The following LRPPRC variants were observed in gnomAD, a reference collection of about 807,000 sequenced individuals.
LRPPRC encodes the protein leucine-rich PPR motif-containing protein, mitochondrial.
Under a neutral mutation model 180.3 loss-of-function variants are expected in LRPPRC, and 120 were observed. The observed-to-expected ratio is 0.67, with a 90% confidence interval of 0.57 to 0.77. The LOEUF is 0.77. LRPPRC is among the 30% of genes least tolerant of loss of function. The probability of loss-of-function intolerance (pLI) is 0.00; values close to 1 mark genes in which losing one functional copy is unlikely to be tolerated. For synonymous variants in LRPPRC, 723 were observed against 600.0 expected (o/e 1.21, Z -3.00); for missense variants, 2,012 against 1,657.2 (o/e 1.21, Z -3.72).
intron 2 of LRPPRC, among the ~76,000 whole-genome samples, chr2:43,981,484 C>A (rs750296201): frequency 6.6e-6 from 1 of 152,010 alleles, no homozygotes; most frequent in South Asian, 2.1e-4. Context: ...CATGGTGAAA[C>A]CCCGTCCCTA....
intron 13 of LRPPRC, among the ~76,000 whole-genome samples, chr2:43,958,161 C>G (rs1673198641): frequency 6.6e-6 from 1 of 152,140 alleles, no homozygotes; most frequent in East Asian, 1.9e-4. Context: ...ATAACCCTTG[C>G]CAAACTAGCA....
chr2:43,889,039 G>A (rs1053462006), intron 37 of LRPPRC, among the ~76,000 whole-genome samples: 5 of 152,164 alleles, frequency 3.3e-5, no homozygotes, highest in Non-Finnish European at 7.4e-5. Context: ...AAAACATGCC[G>A]GGCACAGTGG....
At chr2:43,920,467 A>G (rs1671659928) in intron 27 of LRPPRC, among the ~76,000 whole-genome samples, 1 of 152,142 alleles carries the variant, frequency 6.6e-6, no homozygotes. Flanking sequence ...ACTACATCGC[A>G]AGGAGGCCCA....
intron 1 of LRPPRC, among the ~76,000 whole-genome samples, chr2:43,991,296 T>G (rs1262165915): frequency 2.6e-5 from 4 of 152,126 alleles, no homozygotes; most frequent in African/African-American, 4.8e-5. Flanking sequence ...CCTCCCAAAG[T>G]GCTGGGATTA....
At chr2:43,896,212 T>TTTA in intron 35 of LRPPRC, 1 of 55,552 alleles carries the variant, frequency 1.8e-5, no homozygotes, top group Non-Finnish European at 3.0e-5. Context: ...CTTTCTTTCT[T>TTTA]TCTTTCTTTC....
At chr2:43,942,793 T>C (rs371315385) in intron 23 of LRPPRC, among the ~76,000 whole-genome samples, 4 of 152,288 alleles carry the variant, frequency 2.6e-5, no homozygotes, top group African/African-American at 7.2e-5. Flanking sequence ...TTCAGTCAAA[T>C]TCAGCTCTCC....
chr2:43,932,937 T>C (rs1219397176), intron 25 of LRPPRC, among the ~76,000 whole-genome samples: 1 of 152,196 alleles, frequency 6.6e-6, no homozygotes. Flanking sequence ...CTGAGCTTCA[T>C]TTCCGCTCTG....
At chr2:43,984,188 T>C (rs930712003) in intron 1 of LRPPRC, among the ~76,000 whole-genome samples, 6 of 152,172 alleles carry the variant, frequency 3.9e-5, no homozygotes, top group African/African-American at 1.4e-4. Context: ...ACATTATTTT[T>C]AAACTGTCCA....
intron 30 of LRPPRC, among the ~76,000 whole-genome samples, chr2:43,910,628 G>A (rs1474188925): frequency 6.6e-6 from 1 of 152,122 alleles, no homozygotes; most frequent in Admixed American, 6.5e-5. Context: ...AGTACAATTT[G>A]TTATTAATCA....
At chr2:43,928,200 AG>A (rs1247224306) in intron 25 of LRPPRC, among the ~76,000 whole-genome samples, 4 of 152,336 alleles carry the variant, frequency 2.6e-5, no homozygotes, top group African/African-American at 9.6e-5. Flanking sequence ...ATTCACTACT[AG>A]GTTTACTTGT....
intron 31 of LRPPRC, among the ~76,000 whole-genome samples, chr2:43,905,022 C>A (rs1461168045): frequency 6.6e-6 from 1 of 152,082 alleles, no homozygotes; most frequent in Non-Finnish European, 1.5e-5. Context: ...TCATAAACAG[C>A]CTCTATCAAA....
intron 29 of LRPPRC, among the ~76,000 whole-genome samples, chr2:43,917,215 ATT>A (rs755244174): frequency 4.0e-5 from 6 of 151,224 alleles, no homozygotes; most frequent in Non-Finnish European, 8.8e-5. Flanking sequence ...TAATTTTGGT[ATT>A]TCTAGTAGAG....
intron 1 of LRPPRC, among the ~76,000 whole-genome samples, chr2:43,991,151 TC>T (rs894731847): frequency 1.3e-5 from 2 of 151,726 alleles, no homozygotes; most frequent in African/African-American, 4.8e-5. Context: ...CACCTCAGCC[TC>T]CCGAGTAGCT....
At chr2:43,954,515 A>G (rs553097110) in intron 14 of LRPPRC, among the ~76,000 whole-genome samples, 54 of 152,350 alleles carry the variant, frequency 3.5e-4, no homozygotes, top group African/African-American at 1.2e-3. Context: ...GTGAATTGCT[A>G]ATCTAAGTAT....
chr2:43,966,533 C>A (rs1174191508), intron 11 of LRPPRC, among the ~76,000 whole-genome samples: 2 of 151,664 alleles, frequency 1.3e-5, no homozygotes, highest in Non-Finnish European at 2.9e-5. Context: ...GCCTCAGGCT[C>A]CTGAGTAGCT....
chr2:43,974,156 C>G lies in LRPPRC; in HGVS notation c.1149G>C (p.Met383Ile). The G allele has an allele frequency of 4.3e-6, 7 of 1,613,554 alleles. No individual in the cohort carries two copies. Among genetic ancestry groups the G allele is most frequent in the Non-Finnish European group, 5.9e-6 (7 of 1,179,482 alleles). ...GTAAAAGTGGACAGAATACCGTATT[C>G]ATAGTCACACAGTGTTGTAAAAAGA... is the stretch of plus-strand genomic sequence containing the variant. ...GSFFLQHCVT[M>I]NTPVEKLTDY... Residue 383 changes from methionine to isoleucine, a missense_variant, in exon 9 of 38, where the codon ATG becomes ATC. Transcript: ENST00000260665.
chr2:43,970,806 A>G (rs1673770678), intron 11 of LRPPRC, among the ~76,000 whole-genome samples: 1 of 152,202 alleles, frequency 6.6e-6, no homozygotes, highest in African/African-American at 2.4e-5. Flanking sequence ...TTCCTCTTTG[A>G]AAAGTAAGTT....
chr2:43,904,418 C>A (rs1415692793), intron 31 of LRPPRC: 1 of 151,602 alleles, frequency 6.6e-6, no homozygotes. Flanking sequence ...GCAGGCCGGG[C>A]GTGGTGGCTC....
intron 1 of LRPPRC, among the ~76,000 whole-genome samples, chr2:43,989,148 C>G (rs1332573387): frequency 1.3e-5 from 2 of 152,210 alleles, no homozygotes; most frequent in Non-Finnish European, 2.9e-5. Context: ...GCGGAGATTA[C>G]TGGGCCTGGC....
Sources: allele counts gnomAD v4.1 joint callset (sites outside exome capture counted in the v4.1 genomes callset), GRCh38; gene constraint gnomAD v4.1.1; transcripts MANE v1.5; gene names NCBI Gene and HGNC (gene_info 2026-07-23, HGNC 2026-07-21).